The following DDC variants were observed in gnomAD, a reference collection of about 807,000 sequenced individuals.
DDC encodes aromatic-L-amino-acid decarboxylase.
In DDC, 43 loss-of-function variants were observed where a neutral mutation model predicts 60.0. The ratio of observed to expected loss-of-function variants is 0.72; its 90% CI spans 0.56 to 0.92. The LOEUF is 0.92. DDC is among the 40% of genes least tolerant of loss of function. The pLI is 0.00. For missense variants in DDC, 573 were observed against 620.2 expected (o/e 0.92, Z 0.81); for synonymous variants, 232 against 234.6 (o/e 0.99, Z 0.10).
chr7:50,534,297 G>C (rs905628488), intron 4 of DDC, among the ~76,000 whole-genome samples: 7 of 152,150 alleles, frequency 4.6e-5, no homozygotes, highest in Admixed American at 2.6e-4. Context: ...TTTCCCTATA[G>C]TTTCTCCCAC....
intron 9 of DDC, among the ~76,000 whole-genome samples, chr7:50,489,826 G>C (rs1368345929): frequency 6.6e-6 from 1 of 151,918 alleles, no homozygotes; most frequent in Non-Finnish European, 1.5e-5. Context: ...GGTTTTCTTG[G>C]GACATTAACC....
chr7:50,556,748 G>A (rs1210137447), intron 1 of DDC, among the ~76,000 whole-genome samples: 1 of 152,142 alleles, frequency 6.6e-6, no homozygotes, highest in African/African-American at 2.4e-5. Context: ...CGCCCAGCTG[G>A]CCTCCTTGGC....
At chr7:50,480,043 A>G in intron 9 of DDC, 180 bp from the exon 10 acceptor site, 1 of 626,314 alleles carries the variant, frequency 1.6e-6, no homozygotes, top group South Asian at 1.8e-5. Flanking sequence ...AGAATAAAAA[A>G]TAAATATTTG....
chr7:50,505,523 A>G (rs1241736706), intron 6 of DDC, among the ~76,000 whole-genome samples: 3 of 152,160 alleles, frequency 2.0e-5, no homozygotes, highest in Non-Finnish European at 4.4e-5. Context: ...CCAGTTCGAG[A>G]CCTTTGTGGC....
At chr7:50,562,053 C>T (rs140899197) in intron 1 of DDC, among the ~76,000 whole-genome samples, 38 of 152,284 alleles carry the variant, frequency 2.5e-4, no homozygotes, top group African/African-American at 8.4e-4. Context: ...GTGGCACAGT[C>T]CAGAGCTAGA....
chr7:50,562,194 C>A (rs2045356083), intron 1 of DDC, among the ~76,000 whole-genome samples: 1 of 152,220 alleles, frequency 6.6e-6, no homozygotes. Flanking sequence ...GCAGAACATG[C>A]CATGAGTGCA....
chr7:50,460,996 C>G (rs1362246303), intron 14 of DDC, among the ~76,000 whole-genome samples: 1 of 151,186 alleles, frequency 6.6e-6, no homozygotes, highest in East Asian at 1.9e-4. Flanking sequence ...CACTATTGTC[C>G]TATGACCCTG....
intron 1 of DDC, among the ~76,000 whole-genome samples, chr7:50,559,326 C>T (rs1197701825): frequency 3.9e-5 from 6 of 152,170 alleles, no homozygotes; most frequent in Non-Finnish European, 8.8e-5. Flanking sequence ...GTCCTGTGCC[C>T]ATCGCTGTCC....
At chr7:50,545,198 C>T (rs922328466) in intron 1 of DDC, among the ~76,000 whole-genome samples, 1 of 152,242 alleles carries the variant, frequency 6.6e-6, no homozygotes, top group African/African-American at 2.4e-5. Flanking sequence ...CAGCTGGGAA[C>T]ATACGCATCG....
At chr7:50,494,443 G>T (rs917043035) in intron 9 of DDC, among the ~76,000 whole-genome samples, 14 of 151,982 alleles carry the variant, frequency 9.2e-5, no homozygotes, top group Admixed American at 5.2e-4. Flanking sequence ...AGCGGAGCTT[G>T]CAGTGAGCCA....
chr7:50,533,313 T>G (rs1393066040), intron 4 of DDC, among the ~76,000 whole-genome samples: 2 of 151,436 alleles, frequency 1.3e-5, no homozygotes, highest in African/African-American at 2.4e-5. Context: ...TTTTTTTTTT[T>G]GAGACAGGGT....
chr7:50,471,895 C>T (rs1013636870), intron 11 of DDC, among the ~76,000 whole-genome samples: 1 of 152,150 alleles, frequency 6.6e-6, no homozygotes, highest in Non-Finnish European at 1.5e-5. Flanking sequence ...TCAGCATGGG[C>T]GCTGTGTTCC....
intron 6 of DDC, among the ~76,000 whole-genome samples, chr7:50,518,211 C>CA (rs58099021): frequency 0.7 from 87,766 of 125,392 alleles, 30,327 homozygotes; most frequent in East Asian, 0.8. Flanking sequence ...GACTCCATCT[C>CA]AAAAAAAAAA....
intron 1 of DDC, among the ~76,000 whole-genome samples, chr7:50,560,341 G>C (rs568434726): frequency 5.3e-5 from 8 of 152,286 alleles, no homozygotes; most frequent in African/African-American, 1.9e-4. Flanking sequence ...CTTGGAAACT[G>C]AAGAAAACAG....
At chr7:50,490,739 A>C (rs2042981806) in intron 9 of DDC, among the ~76,000 whole-genome samples, 1 of 152,232 alleles carries the variant, frequency 6.6e-6, no homozygotes, top group Admixed American at 6.5e-5. Context: ...TTCTTTATGA[A>C]AAGGTTCCAA....
At chr7:50,493,302 C>G (rs556467863) in intron 9 of DDC, among the ~76,000 whole-genome samples, 1 of 152,160 alleles carries the variant, frequency 6.6e-6, no homozygotes, top group African/African-American at 2.4e-5. Flanking sequence ...GCACGAGAAC[C>G]CCTCCTCCGG....
chr7:50,523,892 T>C (rs2043967231), intron 6 of DDC, among the ~76,000 whole-genome samples: 1 of 152,222 alleles, frequency 6.6e-6, no homozygotes, highest in South Asian at 2.1e-4. Flanking sequence ...ACTTCATTAA[T>C]AACTGTCAAA....
At chr7:50,520,829 G>T (rs562656018) in intron 6 of DDC, among the ~76,000 whole-genome samples, 1 of 152,058 alleles carries the variant, frequency 6.6e-6, no homozygotes, top group Non-Finnish European at 1.5e-5. Flanking sequence ...CAGGAGAATT[G>T]CTTGAACCTG....
intron 1 of DDC, among the ~76,000 whole-genome samples, chr7:50,558,177 C>G (rs2045245389): frequency 6.6e-6 from 1 of 151,854 alleles, no homozygotes; most frequent in African/African-American, 2.4e-5. Context: ...AACCATCTGC[C>G]TTTGCTATTG....
Sources: allele counts gnomAD v4.1 joint callset (sites outside exome capture counted in the v4.1 genomes callset), GRCh38; gene constraint gnomAD v4.1.1; transcripts MANE v1.5; gene names NCBI Gene and HGNC (gene_info 2026-07-23, HGNC 2026-07-21).